The following USP20 variants were observed in gnomAD, a reference collection of about 807,000 sequenced individuals.
The protein encoded by USP20 is ubiquitin carboxyl-terminal hydrolase 20.
USP20 carries 80 observed loss-of-function variants against 124.2 expected under a neutral mutation model. The observed-to-expected ratio is 0.64, with a 90% CI of 0.54 to 0.78. USP20 has a LOEUF of 0.78. USP20 is among the 30% of genes least tolerant of loss of function. The pLI, the probability that USP20 is intolerant of heterozygous loss-of-function variation, is 0.00. For synonymous variants in USP20, 481 were observed against 512.3 expected (o/e 0.94, Z 0.83); for missense variants, 1,043 against 1,244.4 (o/e 0.84, Z 2.44).
At chr9:129,863,822 G>A (rs2417151) in intron 9 of USP20, among the ~76,000 whole-genome samples, 133,290 of 152,012 alleles carry the variant, frequency 0.88, 58,829 homozygotes, top group East Asian at 1. Context: ...AAAAACCAGC[G>A]TAGGGCCAGG....
chr9:129,869,265 G>C (rs368351943), intron 12 of USP20, 45 bp from the exon 13 acceptor site: 6 of 1,574,586 alleles, frequency 3.8e-6, no homozygotes, highest in South Asian at 1.1e-5. Context: ...ACCTCGCCCC[G>C]GCCAGGCAGG....
At position 129,868,005 on chromosome 9, in the gene USP20, GAC is replaced by G. The variant is rs755419651; in HGVS notation, c.694_695del (p.Thr232ProfsTer35). ...NPMFRGYAQQDTQEFLRCLMD... is the reference protein window; with the variant it reads ...NPMFRGYAQQXTQEFLRCLMD... ...CTGTTGATGCAGCCCCTGGTTCTAG[GAC>G]ACCCAAGAGTTCCTTCGCTGCCTGA... On this transcript the variant is annotated frameshift_variant and splice_region_variant, in exon 11 of 26. Coordinates refer to ENST00000372429, the MANE Select transcript of USP20 (RefSeq NM_001110303.4). LOFTEE classifies it high-confidence loss of function. 5.0e-6 allele frequency: 8 copies of G among 1,611,440 alleles called. No homozygotes were observed. Among genetic ancestry groups the G allele is most frequent in the Non-Finnish European group, 6.8e-6 (8 of 1,178,514 alleles).
intron 1 of USP20, among the ~76,000 whole-genome samples, chr9:129,845,138 T>C (rs917682230): frequency 3.3e-5 from 5 of 152,172 alleles, no homozygotes; most frequent in Non-Finnish European, 7.3e-5. Flanking sequence ...TGGAGAAGTG[T>C]GCTTAGGAGC....
chr9:129,856,863 G>A (rs944015674), intron 4 of USP20, among the ~76,000 whole-genome samples: 3 of 152,166 alleles, frequency 2.0e-5, no homozygotes, highest in Admixed American at 6.5e-5. Context: ...GACAGTGTCC[G>A]GGAGAAGCTG....
rs558244732 is a variant in USP20, at chr9:129,879,490, G to A, written c.2513-83G>A. The A allele has an allele frequency of 2.8e-4, 410 of 1,444,960 alleles. 2 individuals are homozygous for A. The highest frequency in any genetic ancestry group is 2.7e-3 in the South Asian group (232 of 85,908). 89.5% of individuals were successfully genotyped at this position (1,444,960 alleles called of 1,614,324 possible). A position where few individuals can be genotyped will look rare whatever the true frequency, so the allele number is the denominator to read the frequency against. ...TCACGCTGACCCCCAGGCCTGGGGC[G>A]GCCCCACTTGGGATGGCTCTGCTGC... On this transcript the variant is annotated intron_variant, in intron 23 of 25. Coordinates refer to ENST00000372429, the MANE Select transcript of USP20 (RefSeq NM_001110303.4). This position sits in a 1 kb window ranked among gnomAD's most constrained non-coding sequence, Gnocchi z 4.2.
Position 129,846,872 on chromosome 9 carries a change from C to G in USP20, c.-128-2941C>G, listed in dbSNP as rs145992154. 4.1e-3 allele frequency among the ~76,000 whole-genome samples: 623 copies of G among 152,254 alleles called. 23 individuals carry two copies. The East Asian group carries it at 0.1, about 24-fold the overall frequency. ...AAACTCCTGACCTCAAGTGATCCGC[C>G]TGCCTCAGCCTCCCAAAGTGTTGGG... On this transcript the variant is annotated intron_variant, in intron 1 of 25. Coordinates refer to ENST00000372429, the MANE Select transcript of USP20 (RefSeq NM_001110303.4).
At chr9:129,863,370 G>A in intron 9 of USP20, 71 bp downstream of exon 9, 3 of 1,237,460 alleles carry the variant, frequency 2.4e-6, no homozygotes, top group Admixed American at 2.2e-5. Flanking sequence ...CCATGATTGA[G>A]TACTTCCTGT....
chr9:129,856,315 T>C lies in USP20; in HGVS notation c.90T>C (p.Cys30=), dbSNP rs780967762. Residue 30 remains cysteine, a synonymous_variant, in exon 4 of 26, where the codon TGT becomes TGC. Transcript: ENST00000372429. ...EDLLLKSKGT[C]QSCGVTGPNL... ...CCTCTCAACTCACACAGGGAACCTG[T>C]CAGTCGTGTGGGGTCACCGGACCAA... 8 of 1,614,158 alleles carry C rather than the reference T, an allele frequency of 5.0e-6. No homozygotes were observed. The highest frequency in any genetic ancestry group is 6.8e-6 in the Non-Finnish European group (8 of 1,179,996).
Position 129,879,461 on chromosome 9 carries a change from G to A in USP20, c.2513-112G>A. 1 of 1,053,328 alleles carries A rather than the reference G, an allele frequency of 9.5e-7. No homozygotes were observed. Among genetic ancestry groups the A allele is most frequent in the Non-Finnish European group, 1.4e-6 (1 of 694,292 alleles). 65.2% of individuals were successfully genotyped at this position (1,053,328 alleles called of 1,614,324 possible). On this transcript the variant is annotated intron_variant, in intron 23 of 25. Coordinates refer to ENST00000372429, the MANE Select transcript of USP20 (RefSeq NM_001110303.4). The surrounding 1 kb of genome is among the most constrained non-coding windows in gnomAD (Gnocchi z 4.2). ...TGGCTCAGGCGCCTCATCCATTAGA[G>A]ACTTCACGCTGACCCCCAGGCCTGG...
chr9:129,876,638 CAAAA>C (rs5900872), intron 22 of USP20, among the ~76,000 whole-genome samples: 2 of 126,708 alleles, frequency 1.6e-5, no homozygotes, highest in Admixed American at 8.0e-5. Flanking sequence ...GACTCCATCT[CAAAA>C]AAAAAAAAAA....
chr9:129,870,699 G>A (rs1166618838), intron 15 of USP20, 152 bp downstream of exon 15: 11 of 834,812 alleles, frequency 1.3e-5, no homozygotes, highest in South Asian at 3.6e-5. Flanking sequence ...AGATACCCAC[G>A]CCCACTGCCA....
intron 4 of USP20, 93 bp from the exon 5 acceptor site, chr9:129,857,953 GAGGT>G: frequency 1.8e-6 from 2 of 1,094,234 alleles, no homozygotes; most frequent in Non-Finnish European, 2.8e-6. Flanking sequence ...CTATTCAGGA[GAGGT>G]AGGGGCACTG....
At chr9:129,871,324 C>T (rs1156504635) in intron 15 of USP20, among the ~76,000 whole-genome samples, 2 of 21,796 alleles carry the variant, frequency 9.2e-5, no homozygotes, top group Non-Finnish European at 1.8e-4. Context: ...AGGGTTCATC[C>T]ACGTTGCAGC....
Position 129,869,778 on chromosome 9 carries a change from C to A in USP20, c.1499C>A (p.Pro500Gln), listed in dbSNP as rs755018754. Reference sequence around the variant, plus strand: ...ATCTACCAGAATGTGCCGGCCAAGCCAGGCGCCTGTGGGGACAGCTATGCC... The same window carrying A: ...ATCTACCAGAATGTGCCGGCCAAGCAAGGCGCCTGTGGGGACAGCTATGCC... Reference protein sequence around the residue: ...SAIYQNVPAKPGACGDSYAAQ... With the variant: ...SAIYQNVPAKQGACGDSYAAQ... Residue 500 changes from proline (P) to glutamine (Q), a missense_variant, in exon 14 of 26, where the codon CCA (proline) becomes CAA (glutamine). Transcript: ENST00000372429. 3 of 1,613,924 alleles carry A rather than the reference C, an allele frequency of 1.9e-6. No homozygotes were observed. In the African/African-American group the frequency reaches 4.0e-5, roughly 22 times the overall value.
chr9:129,846,184 C>T (rs2032531609), intron 1 of USP20, among the ~76,000 whole-genome samples: 1 of 149,492 alleles, frequency 6.7e-6, no homozygotes, highest in Non-Finnish European at 1.5e-5. Context: ...CCGCCTCGGC[C>T]TCCCAAAGTG....
intron 11 of USP20, 144 bp downstream of exon 11, chr9:129,868,593 G>T (rs558219663): frequency 2.3e-5 from 33 of 1,434,446 alleles, no homozygotes; most frequent in African/African-American, 1.7e-4. Context: ...CCTCCGGGGG[G>T]GCTCAGTGAT....
Position 129,876,220 on chromosome 9 carries a change from G to C in USP20, c.2391G>C (p.Glu797Asp), listed in dbSNP as rs2034401565. ...IEALAKRRRIEIDTFIKLNKA... is the reference protein window; with the variant it reads ...IEALAKRRRIDIDTFIKLNKA... ...CACTGGCCAAGCGCAGGAGGATCGAGATCGACACCTTCATCAAGGTGCGTG... is the reference window on the plus strand; with the variant it reads ...CACTGGCCAAGCGCAGGAGGATCGACATCGACACCTTCATCAAGGTGCGTG... Residue 797 changes from glutamate (E) to aspartate (D), a missense_variant, in exon 22 of 26, where the codon GAG becomes GAC. By Grantham distance (45) the Glu-to-Asp change is conservative. Coordinates refer to ENST00000372429, the MANE Select transcript of USP20 (RefSeq NM_001110303.4). 1 of 1,612,566 alleles carries C rather than the reference G, an allele frequency of 6.2e-7. No homozygotes were observed. Among genetic ancestry groups the C allele is most frequent in the Non-Finnish European group, 8.5e-7 (1 of 1,179,710 alleles).
chr9:129,856,041 T>C (rs1564203783), intron 3 of USP20, among the ~76,000 whole-genome samples: 1 of 152,240 alleles, frequency 6.6e-6, no homozygotes, highest in Non-Finnish European at 1.5e-5. Context: ...GATTAGGTTA[T>C]AGACACTAAA....
At position 129,858,074 on chromosome 9, in the gene USP20, G is replaced by A. The variant is rs1345756745; in HGVS notation, c.160G>A (p.Gly54Arg). The A allele has an allele frequency of 1.2e-6, 2 of 1,614,004 alleles. No homozygotes were observed. Among genetic ancestry groups the A allele is most frequent in the Non-Finnish European group, 8.5e-7 (1 of 1,180,002 alleles). ...LQVACPYVGC[G>R]ESFADHSTIH... ...GGTTGCCTGCCCCTATGTTGGCTGC[G>A]GAGAATCCTTTGCTGACCACAGCAC... is the stretch of plus-strand genomic sequence containing the variant. Residue 54 changes from glycine to arginine, a missense_variant, in exon 5 of 26, where the codon GGA becomes AGA. Gly to Arg is a moderately radical substitution (Grantham distance 125). Coordinates refer to ENST00000372429, the MANE Select transcript of USP20 (RefSeq NM_001110303.4).
Sources: gnomAD v4.1 joint callset for allele counts (sites outside exome capture counted in the v4.1 genomes callset) on GRCh38, gnomAD v4.1.1 for gene constraint, Gnocchi (gnomAD v3.1) non-coding constraint, MANE v1.5 for transcripts, NCBI Gene and HGNC (gene_info 2026-07-23, HGNC 2026-07-21) for gene names.